TRAF2: variants seen among roughly 807,000 people sequenced by gnomAD.
TRAF2 encodes the protein TNF receptor associated factor 2, also known as TNF receptor-associated factor 2.
TRAF2 carries 6 observed loss-of-function variants against 55.6 expected under a neutral mutation model. The ratio of observed to expected loss-of-function variants is 0.11; its 90% CI spans 0.06 to 0.21. The LOEUF is 0.21. Among genes scored for constraint, TRAF2 ranks in the 10% least tolerant of loss-of-function variants. The probability of loss-of-function intolerance (pLI) is 1.00; values close to 1 mark genes in which losing one functional copy is unlikely to be tolerated. For synonymous variants in TRAF2, 329 were observed against 276.3 expected, an observed-to-expected ratio of 1.19 and a Z score of -1.89; for missense variants, 561 against 684.5, an observed-to-expected ratio of 0.82 and a Z score of 2.01.
chr9:136,890,648 G>C (rs1427112918), intron 1 of TRAF2: 1 of 152,198 alleles, frequency 6.6e-6, no homozygotes, highest in Non-Finnish European at 1.5e-5. Flanking sequence ...CCTTCGTGGT[G>C]GTTTTCATTA....
chr9:136,885,993 C>T (rs1351180808), upstream of TRAF2: 4 of 152,364 alleles, frequency 2.6e-5, no homozygotes. Context: ...GCGGAGGGAC[C>T]CGCAGGTGTC....
At position 136,925,921 on chromosome 9, in the gene TRAF2, G is replaced by C. The variant is rs370864551; in HGVS notation, c.*20G>C. On this transcript the variant is annotated 3_prime_UTR_variant, in exon 11 of 11. Coordinates refer to ENST00000247668, the MANE Select transcript of TRAF2 (RefSeq NM_021138.4). ...CTCTAACTGCCCCCTACTGGTGTCTGGGGGTTGGGGGCAGCCAGGCACAGC... is the reference window on the plus strand; with the variant it reads ...CTCTAACTGCCCCCTACTGGTGTCTCGGGGTTGGGGGCAGCCAGGCACAGC... 9 of 1,613,008 alleles carry C rather than the reference G, an allele frequency of 5.6e-6. No homozygotes were observed. Among genetic ancestry groups the C allele is most frequent in the Admixed American group, 3.3e-5 (2 of 59,992 alleles).
upstream of TRAF2, chr9:136,886,349 C>T (rs1339781891): frequency 2.1e-6 from 2 of 970,784 alleles, no homozygotes; most frequent in Non-Finnish European, 2.5e-6. Context: ...TGGTTGGCTC[C>T]GGCGTCAGTC....
At chr9:136,923,577 C>G (rs1850447361) in intron 9 of TRAF2, among the ~76,000 whole-genome samples, 1 of 136,640 alleles carries the variant, frequency 7.3e-6, no homozygotes, top group Non-Finnish European at 1.5e-5. Context: ...CGCCACTGCA[C>G]TCAGCCTGGG....
chr9:136,909,983 C>T lies in TRAF2; in HGVS notation c.592C>T (p.Pro198Ser), dbSNP rs1171612554. 6 of 1,613,890 alleles carry T rather than the reference C, an allele frequency of 3.7e-6. No homozygotes were observed. The South Asian group carries it at 6.6e-5, about 18-fold the overall frequency. ...TCDGCGKKKIPREKFQDHVKT... is the reference protein window; with the variant it reads ...TCDGCGKKKISREKFQDHVKT... ...TGACGGCTGCGGCAAGAAGAAGATC[C>T]CCCGGGAGAAGGTGAGTGTCCTTCA... The change falls in exon 6 of 11, where the codon CCC becomes TCC. Residue 198 changes from proline (P) to serine (S), a missense_variant. Physicochemically the swap from Pro to Ser is moderately conservative, Grantham distance 74 (BLOSUM62 -1). This residue lies in a region of TRAF2 where 426 missense variants were observed against 476.8 expected (regional missense o/e 0.89). Coordinates refer to ENST00000247668, the MANE Select transcript of TRAF2 (RefSeq NM_021138.4).
chr9:136,910,500 G>C (rs1850078172), intron 6 of TRAF2, among the ~76,000 whole-genome samples: 1 of 152,200 alleles, frequency 6.6e-6, no homozygotes, highest in South Asian at 2.1e-4. Context: ...GTTAACTGCT[G>C]CAGATGACAC....
At chr9:136,905,377 T>A (rs557124219) in intron 4 of TRAF2, among the ~76,000 whole-genome samples, 1 of 152,338 alleles carries the variant, frequency 6.6e-6, no homozygotes, top group South Asian at 2.1e-4. Flanking sequence ...CTGCGTGAAT[T>A]CACTGACAGA....
chr9:136,889,357 C>T (rs557911805), intron 1 of TRAF2, among the ~76,000 whole-genome samples: 94 of 151,540 alleles, frequency 6.2e-4, no homozygotes, highest in African/African-American at 2.1e-3. Flanking sequence ...GATCTCGGCT[C>T]GCTGCAACCT....
rs746191391 is a variant in TRAF2, at chr9:136,921,234, C to G, written c.1138+19C>G. Reference sequence around the variant, plus strand: ...TCCCCAGGTGTGGTTCTAGGACCCCCACCTCACTGCAGCTGCTGTTTACTT... The same window carrying G: ...TCCCCAGGTGTGGTTCTAGGACCCCGACCTCACTGCAGCTGCTGTTTACTT... On this transcript the variant is annotated intron_variant, in intron 9 of 10. Transcript: ENST00000247668. 5.6e-6 allele frequency: 9 copies of G among 1,612,456 alleles called. No individual in the cohort carries two copies. The East Asian group carries it at 1.6e-4, about 28-fold the overall frequency.
rs927965521 is a variant in TRAF2 at position 136,899,521 on chromosome 9, A to G, written c.189-73A>G. 2.8e-6 allele frequency: 4 copies of G among 1,452,370 alleles called. No individual in the cohort carries two copies. In the African/African-American group the frequency reaches 4.3e-5, roughly 15 times the overall value. The allele number at this position is 1,452,370 out of a possible 1,614,324, so 90.0% of individuals were successfully genotyped here. ...CTGTGGTGTGGAGGTAGGTTTTTGA[A>G]CTGAAGCAAATGGTGTTTGTTTTTT... is the stretch of plus-strand genomic sequence containing the variant. On this transcript the variant is annotated intron_variant, in intron 2 of 10. Coordinates refer to ENST00000247668, the MANE Select transcript of TRAF2 (RefSeq NM_021138.4).
At chr9:136,909,575 G>C (rs1013454465) in intron 5 of TRAF2, among the ~76,000 whole-genome samples, 3 of 152,148 alleles carry the variant, frequency 2.0e-5, no homozygotes, top group Admixed American at 6.5e-5. Context: ...CGCCAGCCCT[G>C]CCCATCCGCC....
chr9:136,892,752 C>T lies in TRAF2; in HGVS notation c.-28-5961C>T, dbSNP rs17243704. The stretch of plus-strand genomic sequence containing the variant: ...AAAATTAGCCAGGCGTGGTGACAGG[C>T]GTCTGTAATCCCAGCTACTCGGGAG... On this transcript the variant is annotated intron_variant, in intron 1 of 10. Coordinates refer to ENST00000247668, the MANE Select transcript of TRAF2 (RefSeq NM_021138.4). Among the ~76,000 whole-genome samples the T allele has an allele frequency of 8.6e-3, 1,290 of 150,376 alleles. 25 individuals carry two copies. The highest frequency in any genetic ancestry group is 0.03 in the African/African-American group (1,226 of 40,920).
chr9:136,894,414 A>G (rs1438427206), intron 1 of TRAF2, among the ~76,000 whole-genome samples: 2 of 152,026 alleles, frequency 1.3e-5, no homozygotes, highest in Admixed American at 6.6e-5. Context: ...GGGACATTAC[A>G]TGGGAGTTGG....
At chr9:136,889,204 T>C (rs1447979079) in intron 1 of TRAF2, among the ~76,000 whole-genome samples, 1 of 150,374 alleles carries the variant, frequency 6.7e-6, no homozygotes, top group East Asian at 2.0e-4. Context: ...TTTTTTTGTT[T>C]GTGTGGTTTT....
At chr9:136,915,050 A>G (rs1432732196) in intron 6 of TRAF2, among the ~76,000 whole-genome samples, 1 of 152,090 alleles carries the variant, frequency 6.6e-6, no homozygotes, top group Non-Finnish European at 1.5e-5. Flanking sequence ...GTGGTAGCGC[A>G]TGCCTGTAAT....
intron 1 of TRAF2, 112 bp downstream of exon 1, chr9:136,886,653 C>G (rs987068159): frequency 6.1e-6 from 1 of 165,232 alleles, no homozygotes; most frequent in Non-Finnish European, 7.7e-6. Flanking sequence ...GACTCCGGGC[C>G]GGAGCGGGAG....
chr9:136,926,140 G>A lies in TRAF2; in HGVS notation c.*239G>A, dbSNP rs1398720480. 2 of 708,376 alleles carry A rather than the reference G, an allele frequency of 2.8e-6. No homozygotes were observed. The highest frequency in any genetic ancestry group is 5.2e-6 in the Non-Finnish European group (2 of 388,318). The allele number at this position is 708,376 out of a possible 1,614,324, so 43.9% of individuals were successfully genotyped here. A position where few individuals can be genotyped will look rare whatever the true frequency, so the allele number is the denominator to read the frequency against. On this transcript the variant is annotated 3_prime_UTR_variant, in exon 11 of 11. Coordinates refer to ENST00000247668, the MANE Select transcript of TRAF2 (RefSeq NM_021138.4). ...ACGGTCTTAGCCAAGGGCTGTGGTG[G>A]CATTGGCCGAGGGTCTTCGGGTGCT... is the stretch of plus-strand genomic sequence containing the variant.
chr9:136,906,295 T>TGG (rs1350583582), intron 4 of TRAF2, among the ~76,000 whole-genome samples: 1 of 152,042 alleles, frequency 6.6e-6, no homozygotes, highest in Non-Finnish European at 1.5e-5. Context: ...TATAAAGAAA[T>TGG]ACCCGAGACT....
intron 6 of TRAF2, among the ~76,000 whole-genome samples, chr9:136,910,542 A>G (rs1850079127): frequency 6.6e-6 from 1 of 152,202 alleles, no homozygotes; most frequent in African/African-American, 2.4e-5. Context: ...AATAATACGC[A>G]TGGAAACATT....
Sources: allele counts gnomAD v4.1 joint callset (sites outside exome capture counted in the v4.1 genomes callset), GRCh38; gene constraint gnomAD v4.1.1; regional missense constraint gnomAD v4.1.1; transcripts MANE v1.5; gene names NCBI Gene and HGNC (gene_info 2026-07-23, HGNC 2026-07-21).